Variants in TMC7 observed in about 807,000 individuals in gnomAD.
TMC7 encodes the protein transmembrane channel like 7.
A neutral mutation model predicts 82.9 loss-of-function variants in TMC7; 54 were observed. That is an observed-to-expected ratio of 0.65 (90% CI 0.52 to 0.82). The LOEUF (loss-of-function observed/expected upper bound fraction) is 0.82. Among genes scored for constraint, TMC7 ranks in the 40% least tolerant of loss-of-function variants. TMC7 has a pLI of 0.00. For synonymous variants in TMC7, 350 were observed against 337.9 expected (o/e 1.04, Z -0.39); for missense variants, 820 against 901.2 (o/e 0.91, Z 1.15).
intron 1 of TMC7, among the ~76,000 whole-genome samples, chr16:19,006,961 C>T (rs542543198): frequency 3.3e-5 from 5 of 151,926 alleles, no homozygotes; most frequent in Admixed American, 1.3e-4. Context: ...GGATTATAGG[C>T]GCGTGCCACC....
chr16:19,016,711 T>A (rs1959714640), intron 3 of TMC7, 113 bp downstream of exon 3: 1 of 1,182,760 alleles, frequency 8.5e-7, no homozygotes, highest in Admixed American at 2.8e-5. Flanking sequence ...CTTTCCATGA[T>A]GAATGTGAGC....
chr16:19,023,300 G>A (rs1960071215), intron 5 of TMC7, 105 bp downstream of exon 5: 1 of 646,242 alleles, frequency 1.5e-6, no homozygotes, highest in East Asian at 2.9e-5. Flanking sequence ...AAACACAAGT[G>A]TTGGTTGACA....
rs1459486010 is a variant in TMC7, at chr16:19,058,296, C to T, written c.2028-1120C>T. Among the ~76,000 whole-genome samples the T allele has an allele frequency of 2.6e-5, 4 of 152,180 alleles. 1 individual carries two copies. Among genetic ancestry groups the T allele is most frequent in the South Asian group, 4.1e-4 (2 of 4,820 alleles). ...TTAGGAGGCTGAGGCAGGAGAATTC[C>T]TTGAACCCGAGAGGCAGAGGTTGCA... On this transcript the variant is annotated intron_variant, in intron 14 of 15. Transcript: ENST00000304381.
intron 1 of TMC7, among the ~76,000 whole-genome samples, chr16:19,001,330 G>T (rs911448719): frequency 6.6e-6 from 1 of 152,040 alleles, no homozygotes; most frequent in Non-Finnish European, 1.5e-5. Flanking sequence ...AAGAGATAAG[G>T]TCCCTGCCTT....
At chr16:19,011,870 A>G (rs1271361095) in intron 2 of TMC7, among the ~76,000 whole-genome samples, 1 of 152,172 alleles carries the variant, frequency 6.6e-6, no homozygotes, top group Non-Finnish European at 1.5e-5. Context: ...TAGCTGGCAC[A>G]GTGGCTTACA....
intron 5 of TMC7, among the ~76,000 whole-genome samples, chr16:19,024,379 C>T (rs959711302): frequency 6.6e-6 from 1 of 152,016 alleles, no homozygotes; most frequent in South Asian, 2.1e-4. Context: ...CAAGACTGAA[C>T]CACTGCACTT....
chr16:19,044,950 C>T lies in TMC7; in HGVS notation c.1404C>T (p.Ser468=). ...LVFTLGSKIT[S]CDDDTCDLCG... ...TCACGCTGGGCTCCAAGATCACATC[C>T]TGTGATGATGACACATGTGACCTTT... The change falls in exon 10 of 16, where the codon TCC becomes TCT. Residue 468 remains serine, a synonymous_variant. Transcript: ENST00000304381. 6.2e-7 allele frequency: 1 copy of T among 1,613,966 alleles called. No homozygotes were observed. The highest frequency in any genetic ancestry group is 8.5e-7 in the Non-Finnish European group (1 of 1,179,988).
intron 9 of TMC7, among the ~76,000 whole-genome samples, chr16:19,042,983 T>TC (rs1961091525): frequency 6.6e-6 from 1 of 151,938 alleles, no homozygotes. Flanking sequence ...CCTGACCTCG[T>TC]GATCCGCCCA....
At position 19,014,121 on chromosome 16, in the gene TMC7, C is replaced by T. The variant is rs573552619; in HGVS notation, c.312-2329C>T. Among the ~76,000 whole-genome samples the T allele has an allele frequency of 9.9e-5, 15 of 152,180 alleles. No individual in the cohort carries two copies. In the South Asian group the frequency reaches 2.7e-3, roughly 27 times the overall value. The stretch of plus-strand genomic sequence containing the variant: ...GACCTTGTGATCTGCCTGCCTCGGC[C>T]TCCCAAAGTGCTGGGATTACAGGCG... On this transcript the variant is annotated intron_variant, in intron 2 of 15. Coordinates refer to ENST00000304381, the MANE Select transcript of TMC7 (RefSeq NM_024847.4).
intron 2 of TMC7, among the ~76,000 whole-genome samples, chr16:19,014,427 C>T (rs911110534): frequency 6.6e-6 from 1 of 152,162 alleles, no homozygotes; most frequent in African/African-American, 2.4e-5. Context: ...GATAAGGAAC[C>T]CAATGCACAG....
At chr16:19,037,826 G>C in intron 7 of TMC7, 48 bp from the exon 8 acceptor site, 5 of 1,559,900 alleles carry the variant, frequency 3.2e-6, no homozygotes, top group Non-Finnish European at 4.4e-6. Flanking sequence ...CTATCCCTGA[G>C]TATCCCTTCA....
At chr16:19,021,252 T>C (rs1959960237) in intron 3 of TMC7, among the ~76,000 whole-genome samples, 1 of 152,192 alleles carries the variant, frequency 6.6e-6, no homozygotes. Flanking sequence ...GGTGTAAGGA[T>C]AGACATGTAG....
Position 19,056,632 on chromosome 16 carries a change from G to A in TMC7, c.1962G>A (p.Ser654=), listed in dbSNP as rs752384328. The change falls in exon 14 of 16, where the codon TCG becomes TCA. Residue 654 remains serine, a synonymous_variant. Coordinates refer to ENST00000304381, the MANE Select transcript of TMC7 (RefSeq NM_024847.4). ...AGACGGTGAGCACCTTCCCCAGCTC[G>A]CTGCAGTCCTTCATCCATGGTGTCA... ...IPKTVSTFPS[S]LQSFIHGVTS... 28 of 1,613,888 alleles carry A rather than the reference G, an allele frequency of 1.7e-5. No individual in the cohort carries two copies. Among genetic ancestry groups the A allele is most frequent in the South Asian group, 3.3e-5 (3 of 91,086 alleles).
At chr16:19,030,640 G>A (rs149192431) in intron 6 of TMC7, among the ~76,000 whole-genome samples, 1,775 of 151,310 alleles carry the variant, frequency 0.012, 15 homozygotes, top group Middle Eastern at 0.051. Flanking sequence ...GTGCGGTGGC[G>A]GGATCTCGGC....
intron 6 of TMC7, among the ~76,000 whole-genome samples, chr16:19,034,529 T>C (rs1054557156): frequency 2.1e-4 from 32 of 151,784 alleles, no homozygotes; most frequent in African/African-American, 7.5e-4. Flanking sequence ...ACCCGGAAGG[T>C]GGAGGTTGCA....
At chr16:19,020,206 C>G (rs1472907273) in intron 3 of TMC7, among the ~76,000 whole-genome samples, 2 of 151,978 alleles carry the variant, frequency 1.3e-5, no homozygotes, top group African/African-American at 4.8e-5. Context: ...TTTTAAAAAC[C>G]TATAAACATT....
In TMC7 at chr16:18,988,905, C is replaced by G. The variant is rs139676686; in HGVS notation, c.67+4775C>G. Among the ~76,000 whole-genome samples the G allele has an allele frequency of 4.3e-3, 654 of 152,222 alleles. 1 individual carries two copies. Among genetic ancestry groups the G allele is most frequent in the Middle Eastern group, 0.017 (5 of 294 alleles). ...TCTCTACTAACAATACAAAAATTAG[C>G]TGAGTGTGGTGGCACATGCCTGTAG... is the stretch of plus-strand genomic sequence containing the variant. On this transcript the variant is annotated intron_variant, in intron 1 of 15. Transcript: ENST00000304381.
At chr16:19,022,221 T>G (rs1596753731) in intron 4 of TMC7, among the ~76,000 whole-genome samples, 1 of 152,196 alleles carries the variant, frequency 6.6e-6, no homozygotes, top group Non-Finnish European at 1.5e-5. Context: ...AAGGAAACAT[T>G]AGAAGTAGAA....
At chr16:18,986,471 G>A (rs558307894) in intron 1 of TMC7, among the ~76,000 whole-genome samples, 510 of 151,994 alleles carry the variant, frequency 3.4e-3, no homozygotes, top group Non-Finnish European at 5.5e-3. Flanking sequence ...CAGGAGAATC[G>A]CTTGAACCTG....
Sources: allele counts gnomAD v4.1 joint callset (sites outside exome capture counted in the v4.1 genomes callset), GRCh38; gene constraint gnomAD v4.1.1; transcripts MANE v1.5; gene names NCBI Gene and HGNC (gene_info 2026-07-23, HGNC 2026-07-21).